Variants in RBM44 observed in about 807,000 individuals in gnomAD.
RBM44 encodes the protein RNA-binding protein 44.
Under a neutral mutation model 105.1 loss-of-function variants are expected in RBM44, and 66 were observed. The observed-to-expected ratio is 0.63, with a 90% CI of 0.52 to 0.77. The LOEUF (loss-of-function observed/expected upper bound fraction) is 0.77, where lower values mean the gene tolerates loss of function less well. RBM44 is among the 30% of genes least tolerant of loss of function. The pLI is 0.00. For synonymous variants in RBM44, 365 were observed against 417.6 expected (o/e 0.87, Z 1.54); for missense variants, 1,122 against 1,207.8 (o/e 0.93, Z 1.05).
chr2:237,823,323 T>G (rs2061813648), intron 8 of RBM44, 117 bp from the exon 9 acceptor site: 1 of 552,430 alleles, frequency 1.8e-6, no homozygotes, highest in Admixed American at 3.4e-5. Context: ...AATGTTTTCC[T>G]TTCAGAGCCC....
intron 9 of RBM44, 143 bp downstream of exon 9, chr2:237,823,697 T>C: frequency 1.9e-6 from 1 of 538,416 alleles, no homozygotes; most frequent in Non-Finnish European, 3.3e-6. Context: ...GTCAAGTATG[T>C]TCTTATTATT....
chr2:237,827,464 A>G lies in RBM44; in HGVS notation c.2561A>G (p.Gln854Arg). The change falls in exon 12 of 16, where the codon CAA becomes CGA. Residue 854 changes from glutamine (Q) to arginine (R), a missense_variant. Coordinates refer to ENST00000316997, the MANE Select transcript of RBM44 (RefSeq NM_001080504.3). ...TTAAGGTCTCATTTCCAAAAATACC[A>G]AGTTTCTGAAATTTCAATTTATGAT... Reference protein sequence around the residue: ...ADLRSHFQKYQVSEISIYDST... With the variant: ...ADLRSHFQKYRVSEISIYDST... 6.5e-7 allele frequency: 1 copy of G among 1,528,020 alleles called. No homozygotes were observed. Among genetic ancestry groups the G allele is most frequent in the Non-Finnish European group, 8.9e-7 (1 of 1,126,750 alleles). The allele number at this position is 1,528,020 out of a possible 1,614,324, so 94.7% of individuals were successfully genotyped here.
intron 1 of RBM44, among the ~76,000 whole-genome samples, chr2:237,800,970 C>T (rs939896846): frequency 1.3e-5 from 2 of 152,172 alleles, no homozygotes; most frequent in African/African-American, 4.8e-5. Context: ...CCACCCACCT[C>T]GGCCTCCCAA....
At chr2:237,810,396 A>G (rs754542550) in intron 1 of RBM44, among the ~76,000 whole-genome samples, 6 of 152,182 alleles carry the variant, frequency 3.9e-5, no homozygotes, top group Non-Finnish European at 8.8e-5. Flanking sequence ...GTATCTAATC[A>G]CTTTTTATCT....
intron 1 of RBM44, among the ~76,000 whole-genome samples, chr2:237,799,653 C>T (rs538435727): frequency 6.6e-6 from 1 of 152,290 alleles, no homozygotes; most frequent in East Asian, 1.9e-4. Context: ...ATCTGGAAGA[C>T]ACCAAGTGCC....
intron 12 of RBM44, 151 bp from the exon 13 acceptor site, chr2:237,829,066 C>T: frequency 3.7e-6 from 2 of 538,650 alleles, no homozygotes; most frequent in East Asian, 3.1e-5. Flanking sequence ...AATAAATATT[C>T]TTCTTAATCC....
At chr2:237,804,162 G>A (rs747023005) in intron 1 of RBM44, among the ~76,000 whole-genome samples, 1 of 152,130 alleles carries the variant, frequency 6.6e-6, no homozygotes, top group African/African-American at 2.4e-5. Flanking sequence ...GCGCCACCAC[G>A]CCTGACCAAT....
At chr2:237,801,151 A>T (rs1471067697) in intron 1 of RBM44, among the ~76,000 whole-genome samples, 2 of 152,110 alleles carry the variant, frequency 1.3e-5, no homozygotes, top group East Asian at 3.9e-4. Flanking sequence ...CAGCATGGTG[A>T]AGCCCTGTCT....
chr2:237,827,725 A>G (rs538566088), intron 12 of RBM44, among the ~76,000 whole-genome samples: 1 of 152,244 alleles, frequency 6.6e-6, no homozygotes, highest in African/African-American at 2.4e-5. Flanking sequence ...TGTTAATGGT[A>G]TACAGGAGAG....
chr2:237,813,387 A>G (rs2061678240), intron 1 of RBM44, among the ~76,000 whole-genome samples: 1 of 152,194 alleles, frequency 6.6e-6, no homozygotes, highest in Non-Finnish European at 1.5e-5. Flanking sequence ...GAAACTTTTT[A>G]TCTAGGTTCG....
chr2:237,838,544 A>C (rs1001049806), intron 15 of RBM44, among the ~76,000 whole-genome samples: 1 of 152,194 alleles, frequency 6.6e-6, no homozygotes, highest in African/African-American at 2.4e-5. Flanking sequence ...ATATAATTAA[A>C]ATACATGAAA....
At chr2:237,807,989 A>C (rs1429081542) in intron 1 of RBM44, among the ~76,000 whole-genome samples, 1 of 152,234 alleles carries the variant, frequency 6.6e-6, no homozygotes, top group Admixed American at 6.5e-5. Flanking sequence ...CCAGACATCC[A>C]AAATGACAAG....
chr2:237,817,555 T>C lies in RBM44; in HGVS notation c.636T>C (p.Ser212=), dbSNP rs771046653. The change falls in exon 3 of 16, where the codon TCT becomes TCC. Residue 212 remains serine, a synonymous_variant. Coordinates refer to ENST00000316997, the MANE Select transcript of RBM44 (RefSeq NM_001080504.3). Reference sequence around the variant, plus strand: ...ACCAAACAAAAGCATTAGATATATCTAATCCAGAAGTTGTTGAATTAGGAA... The same window carrying C: ...ACCAAACAAAAGCATTAGATATATCCAATCCAGAAGTTGTTGAATTAGGAA... ...SFDQTKALDI[S]NPEVVELGNS... 2 of 1,612,152 alleles carry C rather than the reference T, an allele frequency of 1.2e-6. No homozygotes were observed. The highest frequency in any genetic ancestry group is 2.2e-5 in the South Asian group (2 of 90,942).
chr2:237,817,914 A>G lies in RBM44; in HGVS notation c.995A>G (p.Lys332Arg). 6.3e-7 allele frequency: 1 copy of G among 1,597,536 alleles called. No homozygotes were observed. Among genetic ancestry groups the G allele is most frequent in the Non-Finnish European group, 8.5e-7 (1 of 1,174,488 alleles). The change falls in exon 3 of 16, where the codon AAA becomes AGA. Residue 332 changes from lysine (K) to arginine (R), a missense_variant. Physicochemically the swap from Lys to Arg is conservative, Grantham distance 26. Around this residue, in one of 3 missense-constraint regions of RBM44, gnomAD observed 918 missense variants for 955.3 expected, o/e 0.96. Transcript: ENST00000316997. Reference sequence around the variant, plus strand: ...ATGAAAATTTATACTGAAAACATGAAATCTCAAATAAATGAAGGTAAAGAT... The same window carrying G: ...ATGAAAATTTATACTGAAAACATGAGATCTCAAATAAATGAAGGTAAAGAT... ...LKMKIYTENMKSQINEGKDFC... is the reference protein window; with the variant it reads ...LKMKIYTENMRSQINEGKDFC...
chr2:237,841,295 T>C lies in RBM44; in HGVS notation c.*23-544T>C, dbSNP rs2062009750. On this transcript the variant is annotated intron_variant, in intron 15 of 15. Coordinates refer to ENST00000316997, the MANE Select transcript of RBM44 (RefSeq NM_001080504.3). The surrounding 1 kb of genome is among the most constrained non-coding windows in gnomAD (Gnocchi z 4.5). ...GTATGGATGGAGCTAGAGGCCGTTA[T>C]CCTAAGCAAACTAATGCAGGAACAG... Among the ~76,000 whole-genome samples the C allele has an allele frequency of 6.6e-6, 1 of 152,202 alleles. No homozygotes were observed. The highest frequency in any genetic ancestry group is 1.5e-5 in the Non-Finnish European group (1 of 68,042).
chr2:237,799,358 A>G (rs1559901773), intron 1 of RBM44: 2 of 152,290 alleles, frequency 1.3e-5, no homozygotes, highest in African/African-American at 2.4e-5. Flanking sequence ...AGGTGCCCGG[A>G]CGGTTTCCCT....
In RBM44 at chr2:237,842,053, A is replaced by G. The variant is rs139765493; in HGVS notation, c.*237A>G. On this transcript the variant is annotated 3_prime_UTR_variant, in exon 16 of 16. Transcript: ENST00000316997. Reference sequence around the variant, plus strand: ...ATTTAAAGTTAAAATATAATTTTTAATAAGTTTTTAAATTTTTTTATTTCA... The same window carrying G: ...ATTTAAAGTTAAAATATAATTTTTAGTAAGTTTTTAAATTTTTTTATTTCA... The G allele has an allele frequency of 4.5e-3, 691 of 152,184 alleles. 1 individual carries two copies. Among genetic ancestry groups the G allele is most frequent in the African/African-American group, 0.015 (641 of 41,562 alleles). The allele number at this position is 152,184 out of a possible 1,614,324, so 9.4% of individuals were successfully genotyped here. A position where few individuals can be genotyped will look rare whatever the true frequency, so the allele number is the denominator to read the frequency against.
chr2:237,832,404 T>C (rs2061912967), intron 13 of RBM44, among the ~76,000 whole-genome samples: 1 of 152,212 alleles, frequency 6.6e-6, no homozygotes. Flanking sequence ...TCCTTCCACC[T>C]TGGCCTCCCA....
At chr2:237,820,464 G>C (rs1292630643) in intron 5 of RBM44, 113 bp downstream of exon 5, 2 of 651,432 alleles carry the variant, frequency 3.1e-6, no homozygotes, top group African/African-American at 3.8e-5. Flanking sequence ...GGAGTAGATT[G>C]TTACTGGGTT....
Sources: gnomAD v4.1 joint callset for allele counts (sites outside exome capture counted in the v4.1 genomes callset) on GRCh38, gnomAD v4.1.1 for gene constraint, gnomAD v4.1.1 regional missense constraint, Gnocchi (gnomAD v3.1) non-coding constraint, MANE v1.5 for transcripts, NCBI Gene and HGNC (gene_info 2026-07-23, HGNC 2026-07-21) for gene names.